ABL1: variants seen among roughly 807,000 people sequenced by gnomAD.
ABL1 encodes tyrosine-protein kinase ABL1.
In ABL1, 11 loss-of-function variants were observed where a neutral mutation model predicts 94.7. That is an observed-to-expected ratio of 0.12 (90% CI 0.07 to 0.19). The LOEUF is 0.19. Ranked by LOEUF, ABL1 falls within the 10% of genes least tolerant of loss-of-function variation. ABL1 has a pLI of 1.00. For synonymous variants in ABL1, 656 were observed against 622.4 expected (o/e 1.05, Z -0.80); for missense variants, 1,082 against 1,489.4 (o/e 0.73, Z 4.50).
At chr9:130,881,490 C>T (rs140845151) in intron 10 of ABL1, among the ~76,000 whole-genome samples, 3 of 152,304 alleles carry the variant, frequency 2.0e-5, no homozygotes, top group East Asian at 3.9e-4. Flanking sequence ...TACTTGGCGG[C>T]AGGCAAGAGA....
At chr9:130,853,917 G>A (rs1482116388) in intron 1 of ABL1, 147 bp from the exon 2 acceptor site, 1 of 734,564 alleles carries the variant, frequency 1.4e-6, no homozygotes, top group Non-Finnish European at 2.0e-6. Flanking sequence ...CCACCTTAAT[G>A]ATAATAGTAT....
chr9:130,736,521 G>A (rs1426358639), intron 1 of ABL1, among the ~76,000 whole-genome samples: 1 of 152,036 alleles, frequency 6.6e-6, no homozygotes, highest in African/African-American at 2.4e-5. Context: ...ACGAAGTTTC[G>A]CTCTTGTTGT....
intron 1 of ABL1, among the ~76,000 whole-genome samples, chr9:130,804,441 T>G (rs916745360): frequency 6.6e-6 from 1 of 151,730 alleles, no homozygotes; most frequent in Non-Finnish European, 1.5e-5. Flanking sequence ...ACAAAATTAG[T>G]GGGCGTGTGG....
intron 1 of ABL1, among the ~76,000 whole-genome samples, chr9:130,798,954 G>A (rs1468055272): frequency 1.7e-5 from 2 of 116,330 alleles, no homozygotes; most frequent in African/African-American, 7.7e-5. Flanking sequence ...CTGGGTGGCA[G>A]AGACTCCGTC....
chr9:130,859,214 C>T (rs537624621), intron 3 of ABL1, among the ~76,000 whole-genome samples: 2 of 152,344 alleles, frequency 1.3e-5, no homozygotes, highest in South Asian at 2.1e-4. Flanking sequence ...GCCCCTGTCA[C>T]GTTCCTCGAT....
intron 1 of ABL1, among the ~76,000 whole-genome samples, chr9:130,733,636 T>C (rs963866894): frequency 2.1e-5 from 3 of 141,530 alleles, no homozygotes; most frequent in Non-Finnish European, 3.0e-5. Flanking sequence ...TGGAGTGCAG[T>C]GGCGTAATCT....
intron 7 of ABL1, among the ~76,000 whole-genome samples, chr9:130,876,958 C>T (rs1008540360): frequency 6.8e-6 from 1 of 146,582 alleles, no homozygotes; most frequent in Non-Finnish European, 1.5e-5. Flanking sequence ...AGGATGGTCT[C>T]GATCTCCGGA....
intron 1 of ABL1, among the ~76,000 whole-genome samples, chr9:130,736,799 G>A (rs1831750748): frequency 6.6e-6 from 1 of 152,132 alleles, no homozygotes; most frequent in South Asian, 2.1e-4. Context: ...CCGGTTGAAC[G>A]TTTTTAACAT....
At chr9:130,723,197 G>A (rs7020059) in intron 1 of ABL1, among the ~76,000 whole-genome samples, 42,475 of 151,888 alleles carry the variant, frequency 0.28, 8,624 homozygotes, top group African/African-American at 0.54. Flanking sequence ...TGCTGTGTTC[G>A]TCCCTGCCTT....
At chr9:130,819,501 C>A (rs1001960362) in intron 1 of ABL1, among the ~76,000 whole-genome samples, 2 of 151,344 alleles carry the variant, frequency 1.3e-5, no homozygotes, top group Non-Finnish European at 2.9e-5. Context: ...GCTAAACCAG[C>A]CAAATGAGAC....
At chr9:130,845,968 C>A (rs1178319401) in intron 1 of ABL1, among the ~76,000 whole-genome samples, 3 of 152,132 alleles carry the variant, frequency 2.0e-5, no homozygotes, top group Admixed American at 1.3e-4. Flanking sequence ...GGGGCTACTG[C>A]TGGTTCTTTA....
intron 1 of ABL1, among the ~76,000 whole-genome samples, chr9:130,762,174 AAG>A (rs1832124904): frequency 6.6e-6 from 1 of 151,870 alleles, no homozygotes; most frequent in Non-Finnish European, 1.5e-5. Context: ...CAAGTACAGA[AAG>A]AGATGCTGAA....
At chr9:130,840,553 A>G (rs1461330502) in intron 1 of ABL1, among the ~76,000 whole-genome samples, 1 of 152,258 alleles carries the variant, frequency 6.6e-6, no homozygotes, top group Non-Finnish European at 1.5e-5. Flanking sequence ...TAAAGATCAA[A>G]TGGGATATTG....
At chr9:130,717,249 G>C (rs1332813362) in intron 1 of ABL1, among the ~76,000 whole-genome samples, 1 of 152,024 alleles carries the variant, frequency 6.6e-6, no homozygotes, top group Non-Finnish European at 1.5e-5. Flanking sequence ...CACCATGTTA[G>C]CCAGGCTGGT....
At chr9:130,838,022 C>T (rs1830614317) in intron 1 of ABL1, among the ~76,000 whole-genome samples, 2 of 152,226 alleles carry the variant, frequency 1.3e-5, no homozygotes, top group South Asian at 4.1e-4. Flanking sequence ...CACTGGTAAA[C>T]ATAAAGATGG....
At chr9:130,737,380 G>C (rs1346805898) in intron 1 of ABL1, among the ~76,000 whole-genome samples, 1 of 152,010 alleles carries the variant, frequency 6.6e-6, no homozygotes, top group African/African-American at 2.4e-5. Flanking sequence ...TGATTCTCCT[G>C]CCTCAGCCTC....
intron 7 of ABL1, 115 bp downstream of exon 7, chr9:130,875,167 A>C: frequency 1.9e-5 from 22 of 1,151,114 alleles, no homozygotes; most frequent in Non-Finnish European, 2.5e-5. Flanking sequence ...TTTGAGACGG[A>C]GTCTCACTCT....
chr9:130,726,500 TTCTC>T (rs1165769683), intron 1 of ABL1, among the ~76,000 whole-genome samples: 2 of 152,346 alleles, frequency 1.3e-5, no homozygotes, highest in African/African-American at 4.8e-5. Flanking sequence ...TTCTCTCTGT[TTCTC>T]TCTCACACAC....
At chr9:130,860,437 G>A (rs1831053150) in intron 3 of ABL1, among the ~76,000 whole-genome samples, 1 of 152,196 alleles carries the variant, frequency 6.6e-6, no homozygotes. Flanking sequence ...AGTAGCCAAT[G>A]GGGGAATCAA....
Sources: gnomAD v4.1 joint callset for allele counts (sites outside exome capture counted in the v4.1 genomes callset) on GRCh38, gnomAD v4.1.1 for gene constraint, MANE v1.5 for transcripts, NCBI Gene and HGNC (gene_info 2026-07-23, HGNC 2026-07-21) for gene names.